The following KIF20B variants were observed in gnomAD, a reference collection of about 807,000 sequenced individuals.
KIF20B encodes the protein kinesin family member 20B.
A neutral mutation model predicts 232.5 loss-of-function variants in KIF20B; 188 were observed. That is an observed-to-expected ratio of 0.81 (90% CI 0.72 to 0.91). The LOEUF is 0.91. Among genes scored for constraint, KIF20B ranks in the 40% least tolerant of loss-of-function variants. The pLI is 0.00. For synonymous variants in KIF20B, 712 were observed against 683.0 expected (o/e 1.04, Z -0.66); for missense variants, 2,154 against 2,055.9 (o/e 1.05, Z -0.92).
At position 89,737,952 on chromosome 10, in the gene KIF20B, G is replaced by A. The variant is rs2133127495; in HGVS notation, c.3111G>A (p.Lys1037=). The stretch of plus-strand genomic sequence containing the variant: ...TAGGTAATGATTATTTGGTAAGTAA[G>A]CAAGTTAAAGAATATCGAATTCAAG... ...DLLGNDYLVS[K]QVKEYRIQEP... Residue 1037 remains lysine (K), a synonymous_variant, in exon 20 of 33, where the codon AAG becomes AAA. Coordinates refer to ENST00000371728, the MANE Select transcript of KIF20B (RefSeq NM_001284259.2). 1 of 1,613,232 alleles carries A rather than the reference G, an allele frequency of 6.2e-7. No homozygotes were observed. The highest frequency in any genetic ancestry group is 8.5e-7 in the Non-Finnish European group (1 of 1,179,556).
In KIF20B at chr10:89,758,699, TG is replaced by T; in HGVS notation, c.4504-6del. 1 of 1,553,190 alleles carries T rather than the reference TG, an allele frequency of 6.4e-7. No individual in the cohort carries two copies. Among genetic ancestry groups the T allele is most frequent in the South Asian group, 1.3e-5 (1 of 79,692 alleles). On this transcript the variant is annotated splice_polypyrimidine_tract_variant and splice_region_variant and intron_variant, in intron 26 of 32. Coordinates refer to ENST00000371728, the MANE Select transcript of KIF20B (RefSeq NM_001284259.2). ...TGATTTTAATATTTTCTTTATTTCC[TG>T]ATTAGGAAATACTGACAGCCCAGCT... is the stretch of plus-strand genomic sequence containing the variant.
At chr10:89,757,067 T>TATATATATAC (rs1842143769) in intron 26 of KIF20B, among the ~76,000 whole-genome samples, 1 of 132,054 alleles carries the variant, frequency 7.6e-6, no homozygotes, top group Non-Finnish European at 1.6e-5. Context: ...TATATATATA[T>TATATATATAC]ATACACACAT....
intron 29 of KIF20B, among the ~76,000 whole-genome samples, chr10:89,764,503 G>C (rs1842312286): frequency 6.6e-6 from 1 of 152,176 alleles, no homozygotes; most frequent in Admixed American, 6.6e-5. Context: ...CTAGTTTACA[G>C]TCCCACCAAC....
rs1842702185 is a variant in KIF20B, at chr10:89,705,411, T to C, written c.117T>C (p.His39=). 2 of 1,614,006 alleles carry C rather than the reference T, an allele frequency of 1.2e-6. No individual in the cohort carries two copies. Among genetic ancestry groups the C allele is most frequent in the South Asian group, 1.1e-5 (1 of 91,090 alleles). Residue 39 remains histidine, a synonymous_variant, in exon 2 of 33, where the codon CAT becomes CAC. Coordinates refer to ENST00000371728, the MANE Select transcript of KIF20B (RefSeq NM_001284259.2). ...ATGGCATTAAGCTTGATCTGTCTCATGAATTTTCCTTAGTTGCTCCAAATA... is the reference window on the plus strand; with the variant it reads ...ATGGCATTAAGCTTGATCTGTCTCACGAATTTTCCTTAGTTGCTCCAAATA... ...NFDGIKLDLS[H]EFSLVAPNTE...
At chr10:89,705,537 C>A in intron 2 of KIF20B, 96 bp downstream of exon 2, 1 of 1,039,758 alleles carries the variant, frequency 9.6e-7, no homozygotes, top group Non-Finnish European at 1.4e-6. Flanking sequence ...TGTTTTTGTA[C>A]TTAGATACAA....
chr10:89,742,029 G>C (rs569485143), intron 21 of KIF20B, among the ~76,000 whole-genome samples: 1 of 151,966 alleles, frequency 6.6e-6, no homozygotes, highest in East Asian at 1.9e-4. Context: ...TAAATGAAAA[G>C]GTAAAAGTTC....
rs946461749 is a variant in KIF20B, at chr10:89,712,370, C to T, written c.675+1225C>T. On this transcript the variant is annotated intron_variant, in intron 6 of 32. Transcript: ENST00000371728. The stretch of plus-strand genomic sequence containing the variant: ...CTGGGCACAAGTGATTCTCCTGCCT[C>T]GACCTCCTCTGAATAGCTGGAACTA... Among the ~76,000 whole-genome samples the T allele has an allele frequency of 5.9e-5, 9 of 152,042 alleles. No homozygotes were observed. In the East Asian group the frequency reaches 9.7e-4, roughly 16 times the overall value.
intron 2 of KIF20B, among the ~76,000 whole-genome samples, chr10:89,705,701 T>TC (rs932766902): frequency 6.6e-6 from 1 of 152,216 alleles, no homozygotes; most frequent in Non-Finnish European, 1.5e-5. Context: ...ATTTACTACA[T>TC]CCGTTGTGGC....
At chr10:89,749,498 G>T (rs763976680) in intron 23 of KIF20B, among the ~76,000 whole-genome samples, 27 of 152,020 alleles carry the variant, frequency 1.8e-4, no homozygotes, top group Non-Finnish European at 1.9e-4. Flanking sequence ...TTATAGTAAC[G>T]TAAAGTGACA....
chr10:89,737,923 C>A lies in KIF20B; in HGVS notation c.3082C>A (p.Leu1028Ile). The change falls in exon 20 of 33, where the codon CTT becomes ATT. Residue 1028 changes from leucine to isoleucine, a missense_variant. Physicochemically the swap from Leu to Ile is conservative, Grantham distance 5 (BLOSUM62 2). Transcript: ENST00000371728. The part of the protein sequence containing the change: ...EDNLPNTQLD[L>I]LGNDYLVSKQ... The stretch of plus-strand genomic sequence containing the variant: ...TAATTTGCCAAATACACAGTTAGAC[C>A]TTTTAGGTAATGATTATTTGGTAAG... 1 of 1,613,246 alleles carries A rather than the reference C, an allele frequency of 6.2e-7. No individual in the cohort carries two copies. The highest frequency in any genetic ancestry group is 1.1e-5 in the South Asian group (1 of 90,934).
chr10:89,702,449 TGGGTTA>T (rs1564654824), intron 1 of KIF20B, among the ~76,000 whole-genome samples: 1 of 152,258 alleles, frequency 6.6e-6, no homozygotes, highest in African/African-American at 2.4e-5. Context: ...TCACGCCTTA[TGGGTTA>T]GGTAGTGTAA....
intron 19 of KIF20B, among the ~76,000 whole-genome samples, chr10:89,735,184 CAT>C (rs1193499555): frequency 1.3e-5 from 2 of 152,172 alleles, no homozygotes; most frequent in African/African-American, 4.8e-5. Flanking sequence ...CATGAATTTA[CAT>C]ATATCTAGAA....
At chr10:89,735,453 T>TA (rs1304997850) in intron 19 of KIF20B, among the ~76,000 whole-genome samples, 2 of 151,508 alleles carry the variant, frequency 1.3e-5, no homozygotes, top group African/African-American at 4.9e-5. Context: ...ATGCATAGGA[T>TA]AATATTCGGG....
chr10:89,763,353 C>T (rs1487951093), intron 29 of KIF20B, among the ~76,000 whole-genome samples: 3 of 152,128 alleles, frequency 2.0e-5, no homozygotes, highest in Admixed American at 6.5e-5. Context: ...ATATAGCGTC[C>T]TTGCTTCAGT....
intron 21 of KIF20B, among the ~76,000 whole-genome samples, chr10:89,743,605 G>A (rs1841850338): frequency 6.6e-6 from 1 of 152,094 alleles, no homozygotes; most frequent in African/African-American, 2.4e-5. Context: ...TTTTTCATAT[G>A]CATTCTTCAT....
rs768501568 is a variant in KIF20B at position 89,710,055 on chromosome 10, T to C, written c.480T>C (p.Tyr160=). The stretch of plus-strand genomic sequence containing the variant: ...GGCTAACCAATTCAGGAAAAACATA[T>C]ACATTTCAAGGTAAATATTGTTTTA... ...TYGLTNSGKT[Y]TFQGTEENIG... Residue 160 remains tyrosine (Y), a synonymous_variant, in exon 5 of 33, where the codon TAT becomes TAC. Transcript: ENST00000371728. The C allele has an allele frequency of 1.7e-5, 28 of 1,603,692 alleles. No individual in the cohort carries two copies. Among genetic ancestry groups the C allele is most frequent in the South Asian group, 3.4e-5 (3 of 88,328 alleles).
rs546298443 is a variant in KIF20B, at chr10:89,711,103, A to G, written c.633A>G (p.Glu211=). The G allele has an allele frequency of 1.3e-6, 2 of 1,566,604 alleles. No homozygotes were observed. Among genetic ancestry groups the G allele is most frequent in the Non-Finnish European group, 1.7e-6 (2 of 1,155,504 alleles). The change falls in exon 6 of 33, where the codon GAA becomes GAG. Residue 211 remains glutamate (E), a synonymous_variant. Transcript: ENST00000371728. ...GGTTATCATCAGAACAAGAGAAAGA[A>G]GAAATTGCTAGCAAAAGTGCATTGC... The part of the protein sequence containing the change: ...YLRLSSEQEK[E]EIASKSALLR...
chr10:89,739,365 T>G (rs1490437162), intron 21 of KIF20B, among the ~76,000 whole-genome samples: 2 of 152,172 alleles, frequency 1.3e-5, no homozygotes, highest in Non-Finnish European at 2.9e-5. Context: ...TACAAAAAAG[T>G]GGAAAGCAAC....
rs374637542 is a variant in KIF20B at position 89,745,675 on chromosome 10, A to G, written c.4036-224A>G. 2.7e-3 allele frequency among the ~76,000 whole-genome samples: 404 copies of G among 151,878 alleles called. 1 individual carries two copies. The highest frequency in any genetic ancestry group is 8.3e-3 in the African/African-American group (342 of 41,388). On this transcript the variant is annotated intron_variant, in intron 22 of 32. Transcript: ENST00000371728. Reference sequence around the variant, plus strand: ...AGTGGTGCGATCTTGGCTCACTGCAATCTTGGCTCACTGCAATCTCTACTT... The same window carrying G: ...AGTGGTGCGATCTTGGCTCACTGCAGTCTTGGCTCACTGCAATCTCTACTT...
Sources: allele counts gnomAD v4.1 joint callset (sites outside exome capture counted in the v4.1 genomes callset), GRCh38; gene constraint gnomAD v4.1.1; transcripts MANE v1.5; gene names NCBI Gene and HGNC (gene_info 2026-07-23, HGNC 2026-07-21).